Variants in OR14L1 observed in about 807,000 individuals in gnomAD.
OR14L1 encodes the protein olfactory receptor family 14 subfamily L member 1.
chr1:247,618,664 T>A, the OR14L1 span, among the ~76,000 whole-genome samples: 2 of 152,198 alleles, frequency 1.3e-5, no homozygotes, highest in Non-Finnish European at 2.9e-5. Context: ...GAAGACAGAT[T>A]CTGAAGACCA....
At chr1:247,618,522 C>T in the OR14L1 span, among the ~76,000 whole-genome samples, 3,768 of 125,602 alleles carry the variant, frequency 0.03, 177 homozygotes, top group African/African-American at 0.11. Context: ...CTGGACTAGA[C>T]CAATCCAAAG....
the OR14L1 span, among the ~76,000 whole-genome samples, chr1:247,617,987 A>G: frequency 1.6e-4 from 24 of 152,310 alleles, 2 homozygotes; most frequent in South Asian, 3.9e-3. Context: ...AGAGATATCA[A>G]TTAATGGTGC....
At chr1:247,622,167 C>G in the OR14L1 span, 1 of 152,158 alleles carries the variant, frequency 6.6e-6, no homozygotes, top group Admixed American at 6.6e-5. Flanking sequence ...CTATTGGCAC[C>G]ATTTTTCTGA....
At chr1:247,617,216 G>A in the OR14L1 span, 7 of 152,346 alleles carry the variant, frequency 4.6e-5, 1 homozygote, top group South Asian at 1.2e-3. Context: ...TCAGGGAGAA[G>A]ATAAAGACAT....
chr1:247,621,175 A>G, the OR14L1 span: 1 of 152,184 alleles, frequency 6.6e-6, no homozygotes, highest in Non-Finnish European at 1.5e-5. Flanking sequence ...TGTCATTTTC[A>G]TTAAACACAA....
the OR14L1 span, among the ~76,000 whole-genome samples, chr1:247,618,703 C>T: frequency 6.6e-6 from 1 of 152,140 alleles, no homozygotes; most frequent in Non-Finnish European, 1.5e-5. Context: ...TGTAAATACA[C>T]ATTTCCTAGC....
At chr1:247,617,165 T>C in the OR14L1 span, 2 of 152,200 alleles carry the variant, frequency 1.3e-5, no homozygotes, top group Non-Finnish European at 2.9e-5. Flanking sequence ...CACAGCTAAA[T>C]GGAAACCAGA....
At chr1:247,621,810 G>T in the OR14L1 span, 1 of 152,034 alleles carries the variant, frequency 6.6e-6, no homozygotes, top group African/African-American at 2.4e-5. Flanking sequence ...TTGTCTCTCT[G>T]TGACTGGCTT....
the OR14L1 span, among the ~76,000 whole-genome samples, chr1:247,618,594 C>T: frequency 6.6e-6 from 1 of 151,928 alleles, no homozygotes; most frequent in Non-Finnish European, 1.5e-5. Flanking sequence ...AGAAATTGCT[C>T]AATATTTTTA....
the OR14L1 span, chr1:247,619,598 A>G: frequency 6.6e-6 from 1 of 152,170 alleles, no homozygotes; most frequent in African/African-American, 2.4e-5. Context: ...ATATTTCTAT[A>G]ATCCATTTTT....
chr1:247,618,499 G>T, the OR14L1 span, among the ~76,000 whole-genome samples: 3 of 150,650 alleles, frequency 2.0e-5, no homozygotes, highest in Admixed American at 2.0e-4. Flanking sequence ...TGGGAATGAG[G>T]ACTCCCATTT....
the OR14L1 span, chr1:247,622,023 C>G: frequency 1.3e-5 from 2 of 152,126 alleles, no homozygotes; most frequent in Admixed American, 6.6e-5. Context: ...TACAGACATG[C>G]CTTTGACCTA....
At chr1:247,617,725 T>TGTGC in the OR14L1 span, among the ~76,000 whole-genome samples, 1 of 151,424 alleles carries the variant, frequency 6.6e-6, no homozygotes, top group East Asian at 1.9e-4. Context: ...TGTGTGTGTG[T>TGTGC]GTAGTCTCGA....
chr1:247,619,365 T>C, the OR14L1 span, among the ~76,000 whole-genome samples: 10 of 152,322 alleles, frequency 6.6e-5, no homozygotes, highest in African/African-American at 2.2e-4. Context: ...CTTTGTTGAT[T>C]ATGTCAGTGA....
the OR14L1 span, chr1:247,621,324 G>A: frequency 6.6e-5 from 10 of 152,010 alleles, no homozygotes; most frequent in Middle Eastern, 3.2e-3. Context: ...AAAATGCATA[G>A]CATCATTTTA....
chr1:247,618,752 C>T, the OR14L1 span, among the ~76,000 whole-genome samples: 8,138 of 152,214 alleles, frequency 0.053, 750 homozygotes, highest in African/African-American at 0.19. Flanking sequence ...ATAAATACTT[C>T]TGTACCTCTG....
the OR14L1 span, chr1:247,622,187 C>T: frequency 6.6e-6 from 1 of 152,088 alleles, no homozygotes; most frequent in Non-Finnish European, 1.5e-5. Context: ...ACAGCGTGTG[C>T]TCACTTCACG....
the OR14L1 span, chr1:247,617,493 CT>C: frequency 2.0e-5 from 3 of 152,138 alleles, no homozygotes; most frequent in African/African-American, 7.2e-5. Context: ...TCCATACCAT[CT>C]TCTTATCTGA....
chr1:247,618,905 C>T, the OR14L1 span, among the ~76,000 whole-genome samples: 1 of 152,148 alleles, frequency 6.6e-6, no homozygotes, highest in African/African-American at 2.4e-5. Flanking sequence ...TCGATACATC[C>T]ACTATTACCC....
Sources: gnomAD v4.1 joint callset for allele counts (sites outside exome capture counted in the v4.1 genomes callset) on GRCh38, gnomAD v4.1.1 for gene constraint, MANE v1.5 for transcripts, NCBI Gene and HGNC (gene_info 2026-07-23, HGNC 2026-07-21) for gene names.